Variants in ZNF341 observed in about 807,000 individuals in gnomAD.
The protein encoded by ZNF341 is zinc finger protein 341.
In ZNF341, 52 loss-of-function variants were observed where a neutral mutation model predicts 87.7. That is an observed-to-expected ratio of 0.59 (90% CI 0.47 to 0.75). ZNF341 has a LOEUF of 0.75. Among genes scored for constraint, ZNF341 ranks in the 30% least tolerant of loss-of-function variants. ZNF341 has a pLI of 0.00. For missense variants in ZNF341, 977 were observed against 1,145.9 expected (o/e 0.85, Z 2.13); for synonymous variants, 459 against 472.7 (o/e 0.97, Z 0.38).
chr20:33,791,610 G>A lies in ZNF341; in HGVS notation c.*93G>A. On this transcript the variant is annotated 3_prime_UTR_variant, in exon 15 of 15. Coordinates refer to ENST00000375200, the MANE Select transcript of ZNF341 (RefSeq NM_001282933.2). ...AGACCGGTGATCCTTACCAGTGGAA[G>A]CGAGCCATCGAGCCATTGGCAGAAA... 3 of 1,347,174 alleles carry A rather than the reference G, an allele frequency of 2.2e-6. No individual in the cohort carries two copies. Among genetic ancestry groups the A allele is most frequent in the Non-Finnish European group, 2.9e-6 (3 of 1,022,820 alleles). The allele number at this position is 1,347,174 out of a possible 1,614,324, so 83.5% of individuals were successfully genotyped here.
intron 2 of ZNF341, among the ~76,000 whole-genome samples, chr20:33,742,339 G>A (rs1203576480): frequency 6.6e-6 from 1 of 152,146 alleles, no homozygotes; most frequent in Non-Finnish European, 1.5e-5. Context: ...TGGGATTACA[G>A]GTGCCCGCCA....
At chr20:33,765,439 C>T (rs2019384161) in intron 8 of ZNF341, among the ~76,000 whole-genome samples, 8 of 150,802 alleles carry the variant, frequency 5.3e-5, no homozygotes, top group Admixed American at 5.3e-4. Context: ...AGTGCAATGG[C>T]ATGATGGTGG....
At position 33,732,177 on chromosome 20, in the gene ZNF341, C is replaced by T. The variant is rs1420003643; in HGVS notation, c.31+125C>T. 2.6e-6 allele frequency: 2 copies of T among 768,244 alleles called. No individual in the cohort carries two copies. Among genetic ancestry groups the T allele is most frequent in the Non-Finnish European group, 3.2e-6 (2 of 632,484 alleles). The allele number at this position is 768,244 out of a possible 1,614,324, so 47.6% of individuals were successfully genotyped here. A position where few individuals can be genotyped will look rare whatever the true frequency, so the allele number is the denominator to read the frequency against. On this transcript the variant is annotated intron_variant, in intron 1 of 14. Transcript: ENST00000375200. This position sits in a 1 kb window ranked among gnomAD's most constrained non-coding sequence, Gnocchi z 4.5. ...GCGGAGGGCGCCGGGGCTGGAACAG[C>T]CGCGGGGCGGGAGGGGCGCGGGCGG... is the stretch of plus-strand genomic sequence containing the variant.
At chr20:33,781,550 C>T (rs910280485) in intron 11 of ZNF341, among the ~76,000 whole-genome samples, 163 bp downstream of exon 11, 8 of 152,188 alleles carry the variant, frequency 5.3e-5, no homozygotes, top group African/African-American at 1.9e-4. Context: ...GCCTGGCCAT[C>T]TCATCCATCA....
At chr20:33,761,780 C>T in intron 7 of ZNF341, 82 bp from the exon 8 acceptor site, 1 of 1,226,200 alleles carries the variant, frequency 8.2e-7, no homozygotes, top group Admixed American at 2.7e-5. Context: ...TCTTTCTGGG[C>T]CTTCCTTGTG....
rs117897643 is a variant in ZNF341 at position 33,762,246 on chromosome 20, A to G, written c.1222+191A>G. On this transcript the variant is annotated intron_variant, in intron 8 of 14. Coordinates refer to ENST00000375200, the MANE Select transcript of ZNF341 (RefSeq NM_001282933.2). ...ACAACATGTGTGGCATTACTCTAAT[A>G]CTGTACCCATGGCAGACATCACTAT... 8.3e-3 allele frequency among the ~76,000 whole-genome samples: 1,261 copies of G among 152,150 alleles called. 13 individuals carry two copies. Among genetic ancestry groups the G allele is most frequent in the Non-Finnish European group, 0.011 (753 of 68,006 alleles).
At chr20:33,789,235 G>A (rs1164320208) in intron 13 of ZNF341, among the ~76,000 whole-genome samples, 3 of 152,064 alleles carry the variant, frequency 2.0e-5, no homozygotes, top group Non-Finnish European at 4.4e-5. Flanking sequence ...TAGAGATGGA[G>A]TTTCGCCATG....
intron 3 of ZNF341, among the ~76,000 whole-genome samples, chr20:33,747,704 A>C (rs1429807438): frequency 7.4e-6 from 1 of 135,610 alleles, no homozygotes; most frequent in Non-Finnish European, 1.6e-5. Flanking sequence ...TCCCCTCACC[A>C]TCTCTTACCT....
rs373887834 is a variant in ZNF341 at position 33,753,378 on chromosome 20, G to A, written c.696G>A (p.Thr232=). Residue 232 remains threonine, a synonymous_variant, in exon 5 of 15, where the codon ACG becomes ACA. Transcript: ENST00000375200. ...SAAAPLAGSG[T]VEIQALGMQP... The stretch of plus-strand genomic sequence containing the variant: ...CTGCGCCCCTGGCTGGGAGTGGAAC[G>A]GTGGAGATCCAGGCACTGGGGATGC... 5.6e-6 allele frequency: 9 copies of A among 1,607,706 alleles called. No individual in the cohort carries two copies. Among genetic ancestry groups the A allele is most frequent in the African/African-American group, 4.0e-5 (3 of 74,820 alleles).
At chr20:33,756,929 C>G (rs2019188439) in intron 5 of ZNF341, among the ~76,000 whole-genome samples, 1 of 152,172 alleles carries the variant, frequency 6.6e-6, no homozygotes. Flanking sequence ...AGATTTGAAT[C>G]CAGGCAGCCT....
intron 9 of ZNF341, 55 bp from the exon 10 acceptor site, chr20:33,770,029 T>C (rs1159762575): frequency 2.4e-6 from 3 of 1,263,352 alleles, no homozygotes; most frequent in Non-Finnish European, 3.4e-6. Context: ...GGCCAGGGGC[T>C]GCAGTGGAGG....
chr20:33,736,868 T>G (rs188422951), intron 1 of ZNF341, among the ~76,000 whole-genome samples: 6 of 152,130 alleles, frequency 3.9e-5, no homozygotes, highest in Non-Finnish European at 7.4e-5. Flanking sequence ...TGGAAGGAAG[T>G]AGACTGGGGT....
intron 8 of ZNF341, among the ~76,000 whole-genome samples, chr20:33,764,578 T>A (rs1156811228): frequency 1.7e-5 from 2 of 119,100 alleles, no homozygotes; most frequent in African/African-American, 6.4e-5. Context: ...TTTTTTTTTT[T>A]TTTTTTTTTT....
chr20:33,767,138 A>G, intron 9 of ZNF341, 97 bp downstream of exon 9: 2 of 1,394,470 alleles, frequency 1.4e-6, no homozygotes, highest in Non-Finnish European at 2.0e-6. Flanking sequence ...GGTAGGAACC[A>G]GTGAGTCAGA....
rs1033809826 is a variant in ZNF341 at position 33,748,933 on chromosome 20, A to G, written c.350A>G (p.Tyr117Cys). The G allele has an allele frequency of 1.2e-6, 2 of 1,613,240 alleles. No homozygotes were observed. The highest frequency in any genetic ancestry group is 1.7e-6 in the Non-Finnish European group (2 of 1,179,384). ...TCTCCCACTGTCCAGATCTCCACAT[A>G]CATCACAGTGCCCCCGTCCCCACTG... ...PTPANRQIST[Y>C]ITVPPSPLIQ... The change falls in exon 4 of 15, where the codon TAC becomes TGC. Residue 117 changes from tyrosine to cysteine, a missense_variant. By Grantham distance (194) the Tyr-to-Cys change is radical. Coordinates refer to ENST00000375200, the MANE Select transcript of ZNF341 (RefSeq NM_001282933.2).
chr20:33,746,221 G>A (rs1419496922), intron 3 of ZNF341, among the ~76,000 whole-genome samples: 3 of 125,428 alleles, frequency 2.4e-5, no homozygotes, highest in Non-Finnish European at 4.8e-5. Context: ...GAGCCACCGC[G>A]CCCGGCCTTT....
chr20:33,746,521 C>T (rs1387600511), intron 3 of ZNF341, among the ~76,000 whole-genome samples: 1 of 152,020 alleles, frequency 6.6e-6, no homozygotes, highest in East Asian at 1.9e-4. Context: ...TGTGAGCCAC[C>T]ACACCCAGCC....
chr20:33,762,051 C>A lies in ZNF341; in HGVS notation c.1218C>A (p.Ser406Arg). ...CCAGCAGGCAGGAGGACGAGGAAAG[C>A]ACAGGTGGGTGGAAGTAGGGAACGC... The part of the protein sequence containing the change: ...LNPSRQEDEE[S>R]TGLGQPLPGA... The change falls in exon 8 of 15, where the codon AGC (serine) becomes AGA (arginine). Residue 406 changes from serine (S) to arginine (R), a missense_variant. Around this residue, in one of 3 missense-constraint regions of ZNF341, gnomAD observed 515 missense variants for 598.2 expected, o/e 0.86. Coordinates refer to ENST00000375200, the MANE Select transcript of ZNF341 (RefSeq NM_001282933.2). 6.5e-7 allele frequency: 1 copy of A among 1,542,590 alleles called. No individual in the cohort carries two copies. Among genetic ancestry groups the A allele is most frequent in the South Asian group, 1.2e-5 (1 of 84,176 alleles).
rs1346813230 is a variant in ZNF341, at chr20:33,758,795, G to T, written c.1017G>T (p.Gln339His). 1 of 1,613,814 alleles carries T rather than the reference G, an allele frequency of 6.2e-7. No homozygotes were observed. Among genetic ancestry groups the T allele is most frequent in the South Asian group, 1.1e-5 (1 of 91,014 alleles). The change falls in exon 7 of 15, where the codon CAG becomes CAT. Residue 339 changes from glutamine to histidine, a missense_variant. Physicochemically the swap from Gln to His is conservative, Grantham distance 24. Around this residue, in one of 3 missense-constraint regions of ZNF341, gnomAD observed 515 missense variants for 598.2 expected, o/e 0.86. Coordinates refer to ENST00000375200, the MANE Select transcript of ZNF341 (RefSeq NM_001282933.2). ...TCACCAAAAACTTTGACCTGCAGCA[G>T]CACATCCGAAGGTACACATGCGTGG... is the stretch of plus-strand genomic sequence containing the variant. ...KSFTKNFDLQ[Q>H]HIRSHTGEKP...
Sources: gnomAD v4.1 joint callset for allele counts (sites outside exome capture counted in the v4.1 genomes callset) on GRCh38, gnomAD v4.1.1 for gene constraint, gnomAD v4.1.1 regional missense constraint, Gnocchi (gnomAD v3.1) non-coding constraint, MANE v1.5 for transcripts, NCBI Gene and HGNC (gene_info 2026-07-23, HGNC 2026-07-21) for gene names.